ARL15: variants seen among roughly 807,000 people sequenced by gnomAD.
ARL15 encodes ADP-ribosylation factor-like protein 15.
ARL15 carries 19 observed loss-of-function variants against 25.2 expected under a neutral mutation model. That is an observed-to-expected ratio of 0.75 (90% CI 0.53 to 1.10). The LOEUF (loss-of-function observed/expected upper bound fraction) is 1.10, where lower values mean the gene tolerates loss of function less well. ARL15 is among the 50% of genes least tolerant of loss of function. The pLI, the probability that ARL15 is intolerant of heterozygous loss-of-function variation, is 0.00. For missense variants in ARL15, 220 were observed against 246.0 expected (o/e 0.89, Z 0.71); for synonymous variants, 94 against 86.8 (o/e 1.08, Z -0.46).
At chr5:53,964,171 G>A (rs1013202170) in intron 4 of ARL15, among the ~76,000 whole-genome samples, 1 of 152,028 alleles carries the variant, frequency 6.6e-6, no homozygotes, top group Non-Finnish European at 1.5e-5. Context: ...GACAGGAGGT[G>A]GCACTCATTT....
At chr5:54,051,435 A>C (rs968620333) in intron 4 of ARL15, among the ~76,000 whole-genome samples, 1 of 152,214 alleles carries the variant, frequency 6.6e-6, no homozygotes, top group African/African-American at 2.4e-5. Flanking sequence ...TTAACATACT[A>C]TTTGATACAT....
intron 4 of ARL15, among the ~76,000 whole-genome samples, chr5:54,106,181 C>CT (rs1752585435): frequency 6.6e-6 from 1 of 152,020 alleles, no homozygotes. Context: ...CAAGTTGAAT[C>CT]TTTTTAAAAC....
chr5:54,145,950 T>C (rs1289912939), intron 3 of ARL15, among the ~76,000 whole-genome samples: 3 of 152,152 alleles, frequency 2.0e-5, no homozygotes, highest in Non-Finnish European at 4.4e-5. Flanking sequence ...CCATGACTTT[T>C]GTCTCATCTG....
At chr5:54,020,796 G>T (rs697102) in intron 4 of ARL15, among the ~76,000 whole-genome samples, 1 of 149,434 alleles carries the variant, frequency 6.7e-6, no homozygotes, top group East Asian at 2.0e-4. Flanking sequence ...AAAATTAAAA[G>T]AAAAAAAAAT....
chr5:53,910,668 TATATAA>T (rs1395258955), intron 4 of ARL15, among the ~76,000 whole-genome samples: 3 of 127,674 alleles, frequency 2.3e-5, no homozygotes, highest in African/African-American at 5.7e-5. Context: ...TATATATATA[TATATAA>T]AGAAAACGTC....
At chr5:54,261,657 C>G (rs1339171320) in intron 1 of ARL15, among the ~76,000 whole-genome samples, 2 of 151,966 alleles carry the variant, frequency 1.3e-5, no homozygotes, top group Non-Finnish European at 2.9e-5. Context: ...CTAGTCAAGT[C>G]CTTTATATTC....
chr5:54,121,185 A>G (rs1233506903), intron 3 of ARL15, among the ~76,000 whole-genome samples: 1 of 152,182 alleles, frequency 6.6e-6, no homozygotes, highest in Non-Finnish European at 1.5e-5. Flanking sequence ...ACAAGTTATT[A>G]CCATATTTAC....
At position 54,122,494 on chromosome 5, in the gene ARL15, A is replaced by C. The variant is rs141661218; in HGVS notation, c.254-9084T>G. Among the ~76,000 whole-genome samples, 736 of 152,378 alleles carry C rather than the reference A, an allele frequency of 4.8e-3. 5 individuals are homozygous for C. Among genetic ancestry groups the C allele is most frequent in the African/African-American group, 0.017 (691 of 41,592 alleles). On this transcript the variant is annotated intron_variant, in intron 3 of 4. Transcript: ENST00000504924. ...ATGATGTTACCTACAAGGCTGACATACAGTATACATACACATACATATAAA... is the reference window on the plus strand; with the variant it reads ...ATGATGTTACCTACAAGGCTGACATCCAGTATACATACACATACATATAAA...
At chr5:53,938,365 A>T (rs769161876) in intron 4 of ARL15, among the ~76,000 whole-genome samples, 1 of 152,214 alleles carries the variant, frequency 6.6e-6, no homozygotes. Flanking sequence ...TCCCTACCAC[A>T]TGTCTGGATA....
chr5:54,167,568 G>A (rs1475899573), intron 2 of ARL15, among the ~76,000 whole-genome samples: 2 of 152,156 alleles, frequency 1.3e-5, no homozygotes, highest in African/African-American at 4.8e-5. Flanking sequence ...GAGTAAACTA[G>A]TTCCAGTTAT....
chr5:54,165,484 C>G (rs1579864607), intron 2 of ARL15, among the ~76,000 whole-genome samples: 1 of 151,580 alleles, frequency 6.6e-6, no homozygotes, highest in Non-Finnish European at 1.5e-5. Context: ...GAGACTTTTG[C>G]TGGATATTAG....
chr5:54,085,991 C>T (rs1414872684), intron 4 of ARL15, among the ~76,000 whole-genome samples: 3 of 151,784 alleles, frequency 2.0e-5, no homozygotes, highest in Non-Finnish European at 2.9e-5. Context: ...CTAGGCTCAC[C>T]GCAACCTCCC....
intron 1 of ARL15, among the ~76,000 whole-genome samples, chr5:54,248,743 G>T (rs1456472249): frequency 6.6e-6 from 1 of 152,206 alleles, no homozygotes; most frequent in African/African-American, 2.4e-5. Flanking sequence ...GAATGAGTTG[G>T]TCTTGCTCAT....
chr5:53,960,186 G>A (rs1261401207), intron 4 of ARL15, among the ~76,000 whole-genome samples: 6 of 152,164 alleles, frequency 3.9e-5, no homozygotes, highest in Non-Finnish European at 8.8e-5. Context: ...TATGTACAAT[G>A]ATATATCATC....
intron 1 of ARL15, among the ~76,000 whole-genome samples, chr5:54,179,962 G>A (rs1384456889): frequency 6.7e-6 from 1 of 149,428 alleles, no homozygotes; most frequent in Non-Finnish European, 1.5e-5. Flanking sequence ...AGGTTGCAGT[G>A]AGCTGAGATC....
At chr5:54,160,414 G>A (rs1175756964) in intron 2 of ARL15, among the ~76,000 whole-genome samples, 1 of 151,766 alleles carries the variant, frequency 6.6e-6, no homozygotes. Context: ...AATTCAAAGT[G>A]TTCAGTTTTC....
intron 4 of ARL15, among the ~76,000 whole-genome samples, chr5:53,893,669 A>G (rs1351128523): frequency 1.3e-5 from 2 of 152,154 alleles, no homozygotes; most frequent in African/African-American, 4.8e-5. Context: ...GAGTGTATAC[A>G]TCTTGTATAT....
At chr5:54,215,485 A>G (rs573619848) in intron 1 of ARL15, among the ~76,000 whole-genome samples, 1 of 152,272 alleles carries the variant, frequency 6.6e-6, no homozygotes, top group Non-Finnish European at 1.5e-5. Flanking sequence ...CCATTCACAC[A>G]TGGATCAAAG....
intron 4 of ARL15, among the ~76,000 whole-genome samples, chr5:53,944,234 T>C (rs781638370): frequency 1.3e-5 from 2 of 152,124 alleles, no homozygotes; most frequent in Non-Finnish European, 2.9e-5. Flanking sequence ...AGCCTAGATA[T>C]GGGGCTTTAG....
Sources: allele counts gnomAD v4.1 joint callset (sites outside exome capture counted in the v4.1 genomes callset), GRCh38; gene constraint gnomAD v4.1.1; transcripts MANE v1.5; gene names NCBI Gene and HGNC (gene_info 2026-07-23, HGNC 2026-07-21).